Variants in XYLB observed in about 807,000 individuals in gnomAD.
The protein encoded by XYLB is xylulokinase.
Under a neutral mutation model 78.7 loss-of-function variants are expected in XYLB, and 62 were observed. The ratio of observed to expected loss-of-function variants is 0.79; its 90% CI spans 0.64 to 0.97. XYLB has a LOEUF of 0.97. Among genes scored for constraint, XYLB ranks in the 50% least tolerant of loss-of-function variants. The probability of loss-of-function intolerance (pLI) is 0.00; values close to 1 mark genes in which losing one functional copy is unlikely to be tolerated. For synonymous variants in XYLB, 245 were observed against 247.4 expected, an observed-to-expected ratio of 0.99 and a Z score of 0.09; for missense variants, 687 against 676.8, an observed-to-expected ratio of 1.02 and a Z score of -0.17.
rs967085817 is a variant in XYLB, at chr3:38,401,441, T to C, written c.1533+456T>C. On this transcript the variant is annotated intron_variant, in intron 18 of 18. Transcript: ENST00000207870. ...AGAAAGCAGAGTCTGAGATGTCAAC[T>C]AAGATATATGAGGTTTATGGGAGTC... Among the ~76,000 whole-genome samples the C allele has an allele frequency of 3.9e-5, 6 of 152,094 alleles. No individual in the cohort carries two copies. The South Asian group carries it at 6.2e-4, about 16-fold the overall frequency.
chr3:38,346,952 G>C, intron 1 of XYLB, 27 bp downstream of exon 1: 6 of 1,438,280 alleles, frequency 4.2e-6, no homozygotes, highest in Non-Finnish European at 5.5e-6. Context: ...GCAGGGCCAC[G>C]GGGCCGCCTC....
downstream of XYLB, among the ~76,000 whole-genome samples, chr3:38,426,310 C>T (rs1384702161): frequency 6.6e-6 from 1 of 152,184 alleles, no homozygotes; most frequent in African/African-American, 2.4e-5. Flanking sequence ...ATATAGAATG[C>T]AGTTACAATG....
chr3:38,395,703 G>T (rs1214953731), intron 16 of XYLB, 140 bp downstream of exon 16: 3 of 858,670 alleles, frequency 3.5e-6, no homozygotes, highest in Admixed American at 4.2e-5. Flanking sequence ...CCAGGAAGCA[G>T]CTCTGTTGCC....
Position 38,413,110 on chromosome 3 carries a change from C to G in XYLB, c.*97C>G, listed in dbSNP as rs1708665466. ...GGATCCACTTCTCTGTTCTGAACAG[C>G]TCTTCCTGCCCCTACTGACTCCTTG... On this transcript the variant is annotated 3_prime_UTR_variant, in exon 19 of 19. Transcript: ENST00000207870. 10 of 1,227,430 alleles carry G rather than the reference C, an allele frequency of 8.1e-6. No individual in the cohort carries two copies. The highest frequency in any genetic ancestry group is 8.9e-6 in the Non-Finnish European group (8 of 895,966). 76.0% of individuals were successfully genotyped at this position (1,227,430 alleles called of 1,614,324 possible).
chr3:38,402,986 A>G (rs1385047239), intron 18 of XYLB, among the ~76,000 whole-genome samples: 2 of 152,158 alleles, frequency 1.3e-5, no homozygotes, highest in Non-Finnish European at 2.9e-5. Flanking sequence ...TGTCATGTCA[A>G]CGTGATAAAT....
chr3:38,409,829 A>G (rs1336065349), intron 18 of XYLB, among the ~76,000 whole-genome samples: 1 of 152,228 alleles, frequency 6.6e-6, no homozygotes, highest in Non-Finnish European at 1.5e-5. Flanking sequence ...CTTACAAGGG[A>G]CATGAAGGAC....
chr3:38,387,856 C>T (rs1302052531), intron 15 of XYLB, among the ~76,000 whole-genome samples: 1 of 152,110 alleles, frequency 6.6e-6, no homozygotes, highest in Non-Finnish European at 1.5e-5. Context: ...ACCATTTTGT[C>T]CATCTCTTCC....
In XYLB at chr3:38,380,583, A is replaced by G. The variant is rs541938288; in HGVS notation, c.1291+1241A>G. On this transcript the variant is annotated intron_variant, in intron 15 of 18. Transcript: ENST00000207870. ...ACCTTTGAATCAACTGAGTAAAAGGATACTATAAAAATACCTATTAGGGAA... is the reference window on the plus strand; with the variant it reads ...ACCTTTGAATCAACTGAGTAAAAGGGTACTATAAAAATACCTATTAGGGAA... Among the ~76,000 whole-genome samples the G allele has an allele frequency of 5.9e-5, 9 of 152,312 alleles. No homozygotes were observed. In the East Asian group the frequency reaches 1.4e-3, roughly 23 times the overall value.
chr3:38,411,838 A>T (rs1356209960), intron 18 of XYLB, among the ~76,000 whole-genome samples: 1 of 152,072 alleles, frequency 6.6e-6, no homozygotes, highest in African/African-American at 2.4e-5. Flanking sequence ...CCTGGTGAGA[A>T]GTCTTCCTCA....
rs548082147 is a variant in XYLB at position 38,358,079 on chromosome 3, C to G, written c.141-2260C>G. Among the ~76,000 whole-genome samples, 4 of 150,450 alleles carry G rather than the reference C, an allele frequency of 2.7e-5. No homozygotes were observed. The South Asian group carries it at 8.5e-4, about 32-fold the overall frequency. ...TACTTTTTTCCTTTTGCTATTTGTG[C>G]TTTGGTGCAGTATTGGTTAGGTTTT... is the stretch of plus-strand genomic sequence containing the variant. On this transcript the variant is annotated intron_variant, in intron 2 of 18. Transcript: ENST00000207870.
chr3:38,437,010 AT>A, the XYLB span, among the ~76,000 whole-genome samples: 1 of 121,270 alleles, frequency 8.2e-6, no homozygotes, highest in Non-Finnish European at 1.8e-5. Context: ...TCTAAAAATA[AT>A]AATAATAATA....
In XYLB at chr3:38,413,334, A is replaced by G; in HGVS notation, c.*321A>G. On this transcript the variant is annotated 3_prime_UTR_variant, in exon 19 of 19. Transcript: ENST00000207870. ...CTTTTCCCCTTGCAGAGGCAGAATT[A>G]AAGCTAATCTAGGGACTCAAATCAG... 3.8e-6 allele frequency: 1 copy of G among 261,044 alleles called. No homozygotes were observed. The highest frequency in any genetic ancestry group is 7.1e-6 in the Non-Finnish European group (1 of 139,910). The allele number at this position is 261,044 out of a possible 1,614,324, so 16.2% of individuals were successfully genotyped here.
chr3:38,416,629 T>C (rs1407554386), downstream of XYLB, among the ~76,000 whole-genome samples: 2 of 150,678 alleles, frequency 1.3e-5, no homozygotes, highest in South Asian at 2.1e-4. Context: ...AAAAAAGAGA[T>C]GGGCAAAAAT....
chr3:38,442,973 C>T, the XYLB span, among the ~76,000 whole-genome samples: 13 of 152,204 alleles, frequency 8.5e-5, no homozygotes, highest in South Asian at 2.1e-4. Context: ...CCCATATTCA[C>T]GTAGATAATA....
At chr3:38,439,438 C>G in the XYLB span, among the ~76,000 whole-genome samples, 1 of 152,172 alleles carries the variant, frequency 6.6e-6, no homozygotes, top group East Asian at 1.9e-4. Flanking sequence ...GGGGAGAAGC[C>G]ACGTCACCCA....
intron 18 of XYLB, among the ~76,000 whole-genome samples, chr3:38,406,458 A>G (rs997022176): frequency 4.6e-5 from 7 of 152,232 alleles, no homozygotes; most frequent in Non-Finnish European, 1.0e-4. Context: ...GAAAAACTGG[A>G]AACTCTAAAA....
intron 13 of XYLB, 26 bp from the exon 14 acceptor site, chr3:38,376,892 C>G: frequency 6.3e-7 from 1 of 1,599,274 alleles, no homozygotes; most frequent in South Asian, 1.1e-5. Context: ...CTAATGACGG[C>G]TGATCTCTTC....
At chr3:38,364,439 A>G (rs1706138989) in intron 4 of XYLB, among the ~76,000 whole-genome samples, 1 of 151,032 alleles carries the variant, frequency 6.6e-6, no homozygotes, top group Non-Finnish European at 1.5e-5. Flanking sequence ...CAGGGTTCCT[A>G]CCACCTCCAA....
the XYLB span, among the ~76,000 whole-genome samples, chr3:38,439,643 T>G: frequency 6.6e-6 from 1 of 151,930 alleles, no homozygotes; most frequent in African/African-American, 2.4e-5. Flanking sequence ...GCACCTGTAG[T>G]CCCAGCTACT....
Sources: allele counts gnomAD v4.1 joint callset (sites outside exome capture counted in the v4.1 genomes callset), GRCh38; gene constraint gnomAD v4.1.1; transcripts MANE v1.5; gene names NCBI Gene and HGNC (gene_info 2026-07-23, HGNC 2026-07-21).